The following DENND4C variants were observed in gnomAD, a reference collection of about 807,000 sequenced individuals.
The protein encoded by DENND4C is DENN domain-containing protein 4C.
DENND4C carries 108 observed loss-of-function variants against 203.0 expected under a neutral mutation model. The ratio of observed to expected loss-of-function variants is 0.53; its 90% CI spans 0.46 to 0.62. The LOEUF (loss-of-function observed/expected upper bound fraction) is 0.62. Ranked by LOEUF, DENND4C falls within the 20% of genes least tolerant of loss-of-function variation. DENND4C has a pLI of 0.00. For missense variants in DENND4C, 2,481 were observed against 2,301.2 expected, an observed-to-expected ratio of 1.08 and a Z score of -1.60; for synonymous variants, 871 against 792.4, an observed-to-expected ratio of 1.10 and a Z score of -1.67.
intron 1 of DENND4C, among the ~76,000 whole-genome samples, chr9:19,231,315 A>G (rs1047568681): frequency 1.2e-4 from 18 of 152,060 alleles, no homozygotes; most frequent in Non-Finnish European, 2.5e-4. Context: ...AGTGTCGGGG[A>G]CAACGGGGAG....
chr9:19,325,896 A>C, intron 13 of DENND4C, 43 bp from the exon 14 acceptor site: 1 of 1,553,766 alleles, frequency 6.4e-7, no homozygotes, highest in Non-Finnish European at 8.8e-7. Context: ...TATTAAATTC[A>C]TAGTGGACAT....
intron 1 of DENND4C, among the ~76,000 whole-genome samples, chr9:19,272,503 C>A (rs1369163591): frequency 2.0e-5 from 3 of 151,996 alleles, no homozygotes; most frequent in Non-Finnish European, 4.4e-5. Flanking sequence ...TCCTCCCTCC[C>A]ACCTCGGCCT....
intron 16 of DENND4C, 103 bp downstream of exon 16, chr9:19,328,265 A>G: frequency 8.6e-7 from 1 of 1,166,674 alleles, no homozygotes; most frequent in Non-Finnish European, 1.2e-6. Context: ...AACCATTTGA[A>G]GACTCACTTT....
At position 19,357,238 on chromosome 9, in the gene DENND4C, C is replaced by A. The variant is rs775508794; in HGVS notation, c.4964+84C>A. ...TTCTGTCTCTAAAGACAACCTGACT[C>A]ATATAGGCATAAGTTCTGGCATTTA... On this transcript the variant is annotated intron_variant, in intron 27 of 32. Coordinates refer to ENST00000434457, the MANE Select transcript of DENND4C (RefSeq NM_001330640.2). 6.0e-6 allele frequency: 8 copies of A among 1,323,224 alleles called. No individual in the cohort carries two copies. In the South Asian group the frequency reaches 1.0e-4, roughly 17 times the overall value. The allele number at this position is 1,323,224 out of a possible 1,614,324, so 82.0% of individuals were successfully genotyped here.
chr9:19,341,086 G>A lies in DENND4C; in HGVS notation c.2976G>A (p.Leu992=), dbSNP rs757992078. ...CTGAAGAACAGGCAGCAAGAGAATT[G>A]ATAACTAAAACAAAAATGCAAACAG... The part of the protein sequence containing the change: ...HVPEEQAARE[L]ITKTKMQTEE... Residue 992 remains leucine, a synonymous_variant, in exon 21 of 33, where the codon TTG becomes TTA. Transcript: ENST00000434457. 1 of 1,611,902 alleles carries A rather than the reference G, an allele frequency of 6.2e-7. No homozygotes were observed. The highest frequency in any genetic ancestry group is 8.5e-7 in the Non-Finnish European group (1 of 1,179,186).
intron 1 of DENND4C, among the ~76,000 whole-genome samples, chr9:19,271,125 A>T (rs1831560830): frequency 6.6e-6 from 1 of 152,152 alleles, no homozygotes; most frequent in Non-Finnish European, 1.5e-5. Flanking sequence ...AGAAGACTCA[A>T]TAACCCTAAT....
intron 1 of DENND4C, among the ~76,000 whole-genome samples, chr9:19,237,162 A>G (rs1822176214): frequency 6.6e-6 from 1 of 151,888 alleles, no homozygotes; most frequent in Non-Finnish European, 1.5e-5. Flanking sequence ...CTGGGATTAC[A>G]GGCGCGCACC....
chr9:19,324,547 T>G lies in DENND4C; in HGVS notation c.1953+40T>G, dbSNP rs373856011. On this transcript the variant is annotated intron_variant, in intron 13 of 32. Transcript: ENST00000434457. ...TTATACTAGTGTTTAGAAAAAAAAG[T>G]TTGCCTTACCTGTGTAATTATCATT... is the stretch of plus-strand genomic sequence containing the variant. 4 of 1,578,486 alleles carry G rather than the reference T, an allele frequency of 2.5e-6. No homozygotes were observed. The African/African-American group carries it at 4.1e-5, about 16-fold the overall frequency.
intron 1 of DENND4C, among the ~76,000 whole-genome samples, chr9:19,264,345 G>A (rs866463417): frequency 6.6e-5 from 10 of 151,942 alleles, no homozygotes; most frequent in Admixed American, 1.3e-4. Flanking sequence ...TGTTATCCAG[G>A]CTAGAGTGCA....
At position 19,276,250 on chromosome 9, in the gene DENND4C, G is replaced by A; in HGVS notation, c.76G>A (p.Asp26Asn). 1.6e-6 allele frequency: 2 copies of A among 1,232,004 alleles called. No individual in the cohort carries two copies. The highest frequency in any genetic ancestry group is 2.0e-6 in the Non-Finnish European group (2 of 987,908). 76.3% of individuals were successfully genotyped at this position (1,232,004 alleles called of 1,614,324 possible). Residue 26 changes from aspartate to asparagine, a missense_variant, in exon 2 of 33, where the codon GAT (aspartate) becomes AAT (asparagine). Physicochemically the swap from Asp to Asn is conservative, Grantham distance 23. Transcript: ENST00000434457. ...AGLTDTSTLLDQEINRLDTKS... is the reference protein window; with the variant it reads ...AGLTDTSTLLNQEINRLDTKS... ...TCTCACTGACACATCTACTCTTTTGGATCAAGAAATAAATCGTTTAGATAC... is the reference window on the plus strand; with the variant it reads ...TCTCACTGACACATCTACTCTTTTGAATCAAGAAATAAATCGTTTAGATAC...
intron 10 of DENND4C, among the ~76,000 whole-genome samples, chr9:19,305,741 G>A (rs1306411950): frequency 1.3e-5 from 2 of 152,148 alleles, no homozygotes; most frequent in Non-Finnish European, 2.9e-5. Context: ...TTATATTTGG[G>A]TAACAATATT....
At chr9:19,241,419 C>T (rs561441857) in intron 1 of DENND4C, among the ~76,000 whole-genome samples, 2 of 151,608 alleles carry the variant, frequency 1.3e-5, no homozygotes, top group Non-Finnish European at 2.9e-5. Context: ...CGCTATGTTG[C>T]TTAGGCTGGC....
intron 1 of DENND4C, among the ~76,000 whole-genome samples, chr9:19,272,771 TTTA>T (rs1207185235): frequency 6.6e-6 from 1 of 151,652 alleles, no homozygotes; most frequent in Non-Finnish European, 1.5e-5. Context: ...TATTTTTATT[TTTA>T]TTTTGTTTTT....
intron 1 of DENND4C, among the ~76,000 whole-genome samples, chr9:19,251,942 A>G (rs12006372): frequency 2.0e-3 from 312 of 152,270 alleles, no homozygotes; most frequent in African/African-American, 7.0e-3. Flanking sequence ...TGAGCCCTCC[A>G]AACTGTTCCA....
intron 1 of DENND4C, among the ~76,000 whole-genome samples, chr9:19,265,940 G>C (rs143233850): frequency 6.6e-6 from 1 of 152,190 alleles, no homozygotes; most frequent in Non-Finnish European, 1.5e-5. Flanking sequence ...CTTTATAGCA[G>C]CATGATTTTT....
intron 1 of DENND4C, among the ~76,000 whole-genome samples, chr9:19,252,271 T>G (rs1407049526): frequency 6.6e-6 from 1 of 152,186 alleles, no homozygotes; most frequent in Non-Finnish European, 1.5e-5. Flanking sequence ...TGAGACTTAT[T>G]CACTTCCATG....
chr9:19,231,645 C>T (rs10123714), intron 1 of DENND4C, among the ~76,000 whole-genome samples: 68,705 of 150,994 alleles, frequency 0.46, 16,210 homozygotes, highest in East Asian at 0.58. Context: ...TAAATAGTAC[C>T]GCCTCCTTCT....
intron 10 of DENND4C, among the ~76,000 whole-genome samples, chr9:19,311,459 C>T (rs1271507003): frequency 1.3e-5 from 2 of 152,112 alleles, no homozygotes; most frequent in Non-Finnish European, 2.9e-5. Flanking sequence ...AATGCTAACT[C>T]CGTTGAATTG....
intron 7 of DENND4C, among the ~76,000 whole-genome samples, chr9:19,298,334 C>G (rs1214333167): frequency 6.6e-6 from 1 of 152,270 alleles, no homozygotes; most frequent in African/African-American, 2.4e-5. Context: ...ACCCTTGGTT[C>G]ATAACATTTT....
Sources: gnomAD v4.1 joint callset for allele counts (sites outside exome capture counted in the v4.1 genomes callset) on GRCh38, gnomAD v4.1.1 for gene constraint, MANE v1.5 for transcripts, NCBI Gene and HGNC (gene_info 2026-07-23, HGNC 2026-07-21) for gene names.